TSPAN18: variants seen among roughly 807,000 people sequenced by gnomAD.
TSPAN18 encodes the protein tetraspanin-18.
In TSPAN18, 14 loss-of-function variants were observed where a neutral mutation model predicts 27.3. The observed-to-expected ratio is 0.51, with a 90% confidence interval of 0.34 to 0.80. The LOEUF (loss-of-function observed/expected upper bound fraction) is 0.80. TSPAN18 is among the 30% of genes least tolerant of loss of function. The probability of loss-of-function intolerance (pLI) is 0.01; values close to 1 mark genes in which losing one functional copy is unlikely to be tolerated. For missense variants in TSPAN18, 268 were observed against 323.9 expected, an observed-to-expected ratio of 0.83 and a Z score of 1.32; for synonymous variants, 143 against 136.5, an observed-to-expected ratio of 1.05 and a Z score of -0.33.
chr11:44,921,596 CAGAGGGAGGTGG>C (rs1359102042), intron 8 of TSPAN18, among the ~76,000 whole-genome samples: 4 of 152,220 alleles, frequency 2.6e-5, no homozygotes. Context: ...TAGGACTTGG[CAGAGGGAGGTGG>C]CCCCTAGGAT....
intron 6 of TSPAN18, among the ~76,000 whole-genome samples, chr11:44,918,325 G>A (rs2135362719): frequency 1.3e-5 from 2 of 152,272 alleles, no homozygotes; most frequent in South Asian, 4.1e-4. Context: ...ACCTTGCCTA[G>A]TAACGGCCCA....
rs920449159 is a variant in TSPAN18, at chr11:44,727,247, C to G, written c.-280C>G. 3 of 151,840 alleles carry G rather than the reference C, an allele frequency of 2.0e-5. No individual in the cohort carries two copies. Among genetic ancestry groups the G allele is most frequent in the Non-Finnish European group, 4.4e-5 (3 of 67,856 alleles). 9.4% of individuals were successfully genotyped at this position (151,840 alleles called of 1,614,324 possible). On this transcript the variant is annotated 5_prime_UTR_variant, in exon 1 of 10. Coordinates refer to ENST00000520358, the MANE Select transcript of TSPAN18 (RefSeq NM_130783.5). ...ACCAGGAAAGTTTCCCCCCGGCCGC[C>G]GGCGGGATTTGGCGCGGGGTCCGGC...
chr11:44,926,107 G>A (rs950982960), intron 8 of TSPAN18, among the ~76,000 whole-genome samples: 28 of 152,220 alleles, frequency 1.8e-4, no homozygotes, highest in Admixed American at 1.8e-3. Context: ...GGTGGCATGC[G>A]AGCAGGGATT....
At chr11:44,807,527 C>CAAAAAAAAA (rs59241339) in intron 2 of TSPAN18, among the ~76,000 whole-genome samples, 3 of 64,466 alleles carry the variant, frequency 4.7e-5, no homozygotes, top group African/African-American at 1.5e-4. Context: ...AACTCCATCT[C>CAAAAAAAAA]AAAAAAAAAA....
intron 2 of TSPAN18, among the ~76,000 whole-genome samples, chr11:44,842,723 C>G (rs1199174637): frequency 1.3e-5 from 2 of 152,182 alleles, no homozygotes; most frequent in Non-Finnish European, 2.9e-5. Context: ...TTAGCAATGG[C>G]ATGATTCAAT....
intron 2 of TSPAN18, among the ~76,000 whole-genome samples, chr11:44,856,200 C>T (rs912404720): frequency 5.9e-5 from 9 of 152,128 alleles, no homozygotes; most frequent in Non-Finnish European, 8.8e-5. Flanking sequence ...TGCTTTTAAT[C>T]TCCTGGAAGC....
At chr11:44,798,930 A>T (rs553669872) in intron 2 of TSPAN18, among the ~76,000 whole-genome samples, 254 of 152,222 alleles carry the variant, frequency 1.7e-3, no homozygotes, top group African/African-American at 5.8e-3. Context: ...GACTGAGGCC[A>T]ACTAGGGGAC....
intron 1 of TSPAN18, among the ~76,000 whole-genome samples, chr11:44,737,911 G>A (rs1043788951): frequency 1.3e-5 from 2 of 152,006 alleles, no homozygotes; most frequent in African/African-American, 2.4e-5. Context: ...CCTCCTCCAG[G>A]AAGTCCTCCT....
intron 2 of TSPAN18, among the ~76,000 whole-genome samples, chr11:44,836,305 T>A (rs532914299): frequency 1.3e-5 from 2 of 152,310 alleles, no homozygotes; most frequent in African/African-American, 4.8e-5. Flanking sequence ...GTTGTCTGGA[T>A]AGAAGATTAA....
Position 44,900,625 on chromosome 11 carries a change from T to G in TSPAN18, c.-10-5782T>G, listed in dbSNP as rs1244544929. On this transcript the variant is annotated intron_variant, in intron 3 of 9. Transcript: ENST00000520358. ...AGTGTATGCCAGTGGTTACTATTAT[T>G]AGCTACCATGTGCCAAGCCCTGTGC... Among the ~76,000 whole-genome samples, 4 of 151,732 alleles carry G rather than the reference T, an allele frequency of 2.6e-5. No individual in the cohort carries two copies. In the East Asian group the frequency reaches 7.7e-4, roughly 29 times the overall value.
chr11:44,863,526 A>G (rs1857952140), intron 3 of TSPAN18, among the ~76,000 whole-genome samples: 1 of 152,200 alleles, frequency 6.6e-6, no homozygotes, highest in African/African-American at 2.4e-5. Flanking sequence ...AGAGTTCTTA[A>G]TCCTCTCATT....
chr11:44,825,952 C>T (rs2135131656), intron 2 of TSPAN18, among the ~76,000 whole-genome samples: 1 of 152,294 alleles, frequency 6.6e-6, no homozygotes, highest in Middle Eastern at 3.4e-3. Context: ...GACTGTGGGC[C>T]TCAGGCTGGG....
chr11:44,789,283 C>T (rs1194182980), intron 2 of TSPAN18, among the ~76,000 whole-genome samples: 3 of 152,170 alleles, frequency 2.0e-5, no homozygotes, highest in Admixed American at 6.5e-5. Context: ...AGCTACCCAA[C>T]GTCAAATCTT....
At chr11:44,820,137 C>T (rs1419132554) in intron 2 of TSPAN18, among the ~76,000 whole-genome samples, 1 of 152,212 alleles carries the variant, frequency 6.6e-6, no homozygotes, top group African/African-American at 2.4e-5. Context: ...TTCAGGGTGG[C>T]CCATGCTCTC....
Position 44,811,732 on chromosome 11 carries a change from G to T in TSPAN18, c.-153+47220G>T, listed in dbSNP as rs140011340. Among the ~76,000 whole-genome samples, 488 of 152,314 alleles carry T rather than the reference G, an allele frequency of 3.2e-3. 5 individuals carry two copies. Among genetic ancestry groups the T allele is most frequent in the African/African-American group, 0.011 (472 of 41,568 alleles). On this transcript the variant is annotated intron_variant, in intron 2 of 9. Transcript: ENST00000520358. ...CCGCCTTGGCCTCCCAAGGTGCTGA[G>T]ATTACAGGCATGAGCCACTGCACCC...
rs1305502194 is a variant in TSPAN18 at position 44,905,722 on chromosome 11, C to A, written c.-10-685C>A. ...TGGAATTGTGTTCAATGACTTGCTG[C>A]CATGGGTATACTTTTAGGTGAAGAC... On this transcript the variant is annotated intron_variant, in intron 3 of 9. Transcript: ENST00000520358. Among the ~76,000 whole-genome samples the A allele has an allele frequency of 2.6e-5, 4 of 152,144 alleles. No individual in the cohort carries two copies. The East Asian group carries it at 7.7e-4, about 29-fold the overall frequency.
intron 1 of TSPAN18, among the ~76,000 whole-genome samples, chr11:44,762,514 C>T (rs1855476717): frequency 6.6e-6 from 1 of 152,152 alleles, no homozygotes; most frequent in South Asian, 2.1e-4. Flanking sequence ...CTCTGTTAAA[C>T]AGGATGGCTG....
At chr11:44,907,598 C>T (rs991947161) in intron 4 of TSPAN18, among the ~76,000 whole-genome samples, 5 of 152,198 alleles carry the variant, frequency 3.3e-5, no homozygotes, top group Admixed American at 1.3e-4. Flanking sequence ...CCTTCCAAGC[C>T]GGGTGACCCT....
rs1565029785 is a variant in TSPAN18 at position 44,930,349 on chromosome 11, G to A, written c.*1171G>A. 1 of 155,956 alleles carries A rather than the reference G, an allele frequency of 6.4e-6. No homozygotes were observed. The highest frequency in any genetic ancestry group is 1.4e-5 in the Non-Finnish European group (1 of 70,630). 9.7% of individuals were successfully genotyped at this position (155,956 alleles called of 1,614,324 possible). ...CTGCCTTTGGACTGCTCTGACTTTAGCATCAGCTTAATACACAGAAGAGGT... is the reference window on the plus strand; with the variant it reads ...CTGCCTTTGGACTGCTCTGACTTTAACATCAGCTTAATACACAGAAGAGGT... On this transcript the variant is annotated 3_prime_UTR_variant, in exon 10 of 10. Transcript: ENST00000520358.
Sources: gnomAD v4.1 joint callset for allele counts (sites outside exome capture counted in the v4.1 genomes callset) on GRCh38, gnomAD v4.1.1 for gene constraint, MANE v1.5 for transcripts, NCBI Gene and HGNC (gene_info 2026-07-23, HGNC 2026-07-21) for gene names.